The following RAC2 variants were observed in gnomAD, a reference collection of about 807,000 sequenced individuals.
RAC2 encodes the protein ras-related C3 botulinum toxin substrate 2.
In RAC2, 1 loss-of-function variant was observed where a neutral mutation model predicts 24.0. The observed-to-expected ratio is 0.04, with a 90% CI of 0.01 to 0.20. The LOEUF (loss-of-function observed/expected upper bound fraction) is 0.20. Among genes scored for constraint, RAC2 ranks in the 10% least tolerant of loss-of-function variants. The probability of loss-of-function intolerance (pLI) is 1.00; values close to 1 mark genes in which losing one functional copy is unlikely to be tolerated. For missense variants in RAC2, 130 were observed against 259.1 expected (o/e 0.50, Z 3.42); for synonymous variants, 114 against 106.8 (o/e 1.07, Z -0.41).
chr22:37,229,899 C>T (rs2145822464), intron 5 of RAC2, among the ~76,000 whole-genome samples: 1 of 152,306 alleles, frequency 6.6e-6, no homozygotes. Context: ...TCCAGGCCTC[C>T]AGCACCCTCC....
intron 3 of RAC2, 52 bp from the exon 4 acceptor site, chr22:37,232,046 A>C: frequency 6.6e-7 from 1 of 1,518,518 alleles, no homozygotes; most frequent in Non-Finnish European, 8.9e-7. Context: ...GAGGTGTCCC[A>C]CCATGGCAGC....
At position 37,229,389 on chromosome 22, in the gene RAC2, C is replaced by T. The variant is rs554532806; in HGVS notation, c.448+1842G>A. ...CAGTCCACCCCTGTCAGAATCCTGGCTGGGTGGCCTTAAGCCAGCAACATG... is the reference window on the plus strand; with the variant it reads ...CAGTCCACCCCTGTCAGAATCCTGGTTGGGTGGCCTTAAGCCAGCAACATG... On this transcript the variant is annotated intron_variant, in intron 5 of 6. Coordinates refer to ENST00000249071, the MANE Select transcript of RAC2 (RefSeq NM_002872.5). 3.9e-5 allele frequency among the ~76,000 whole-genome samples: 6 copies of T among 152,324 alleles called. No individual in the cohort carries two copies. The East Asian group carries it at 1.2e-3, about 29-fold the overall frequency.
chr22:37,236,024 G>A (rs2145827234), intron 2 of RAC2, among the ~76,000 whole-genome samples: 1 of 152,318 alleles, frequency 6.6e-6, no homozygotes, highest in Middle Eastern at 3.4e-3. Flanking sequence ...AGAGGTCAAG[G>A]ACCTTTCTTG....
In RAC2 at chr22:37,231,100, A is replaced by G; in HGVS notation, c.448+131T>C. ...CTACGTGACTCGCCCAAGGTCACACAGCAAGTGCACAGCACAGCTGAGTTC... is the reference window on the plus strand; with the variant it reads ...CTACGTGACTCGCCCAAGGTCACACGGCAAGTGCACAGCACAGCTGAGTTC... On this transcript the variant is annotated intron_variant, in intron 5 of 6. Coordinates refer to ENST00000249071, the MANE Select transcript of RAC2 (RefSeq NM_002872.5). The surrounding 1 kb of genome is among the most constrained non-coding windows in gnomAD (Gnocchi z 5.5). 2 of 1,135,556 alleles carry G rather than the reference A, an allele frequency of 1.8e-6. No homozygotes were observed. Among genetic ancestry groups the G allele is most frequent in the Non-Finnish European group, 2.6e-6 (2 of 767,398 alleles). 70.3% of individuals were successfully genotyped at this position (1,135,556 alleles called of 1,614,324 possible).
intron 5 of RAC2, among the ~76,000 whole-genome samples, chr22:37,227,535 A>T (rs1351163516): frequency 5.9e-5 from 1 of 17,030 alleles, no homozygotes; most frequent in African/African-American, 3.4e-4. Context: ...CACGCCATAC[A>T]CCCCCTCCCA....
chr22:37,237,300 G>A (rs1927259053), intron 2 of RAC2, among the ~76,000 whole-genome samples: 1 of 151,884 alleles, frequency 6.6e-6, no homozygotes, highest in South Asian at 2.1e-4. Flanking sequence ...GAACAGAGGG[G>A]GAAACTGGCA....
chr22:37,236,414 C>T (rs1352839865), intron 2 of RAC2, among the ~76,000 whole-genome samples: 1 of 152,182 alleles, frequency 6.6e-6, no homozygotes, highest in Admixed American at 6.5e-5. Flanking sequence ...AACCCTCACC[C>T]CATTTTCCGG....
Position 37,231,205 on chromosome 22 carries a change from C to A in RAC2, c.448+26G>T, listed in dbSNP as rs775778136. On this transcript the variant is annotated intron_variant, in intron 5 of 6. Coordinates refer to ENST00000249071, the MANE Select transcript of RAC2 (RefSeq NM_002872.5). The surrounding 1 kb of genome is among the most constrained non-coding windows in gnomAD (Gnocchi z 5.5). ...GTCAGGGCCTCCCCTGCAGCCAGAT[C>A]GCCCCTCTGAGCCCGAGGCCCATAC... 13 of 1,612,228 alleles carry A rather than the reference C, an allele frequency of 8.1e-6. No individual in the cohort carries two copies. The highest frequency in any genetic ancestry group is 1.1e-5 in the South Asian group (1 of 91,004).
chr22:37,240,848 T>C, intron 2 of RAC2: 1 of 599,916 alleles, frequency 1.7e-6, no homozygotes, highest in Non-Finnish European at 3.1e-6. Flanking sequence ...GAGAACAGCT[T>C]GAGCAAAGGC....
chr22:37,244,150 G>A lies in RAC2; in HGVS notation c.-2C>T. The A allele has an allele frequency of 5.6e-6, 9 of 1,614,162 alleles. No homozygotes were observed. Among genetic ancestry groups the A allele is most frequent in the Non-Finnish European group, 6.8e-6 (8 of 1,180,004 alleles). Reference sequence around the variant, plus strand: ...CACCACACACTTGATGGCCTGCATCGTGTCCGGAGCCTGGAGAGTGTCGGT... The same window carrying A: ...CACCACACACTTGATGGCCTGCATCATGTCCGGAGCCTGGAGAGTGTCGGT... On this transcript the variant is annotated 5_prime_UTR_variant, in exon 1 of 7. The change creates a new upstream start codon in the 5' untranslated region. Transcript: ENST00000249071.
rs1927059012 is a variant in RAC2 at position 37,231,446 on chromosome 22, C to T, written c.289-56G>A. On this transcript the variant is annotated intron_variant, in intron 4 of 6. Transcript: ENST00000249071. The surrounding 1 kb of genome is among the most constrained non-coding windows in gnomAD (Gnocchi z 5.5). ...GTATGGGTCAAGAGGGGGCGCGAGG[C>T]TGTGCGGGGATCAGAGGGAGTGTGA... is the stretch of plus-strand genomic sequence containing the variant. 2.6e-6 allele frequency: 4 copies of T among 1,551,338 alleles called. No individual in the cohort carries two copies. Among genetic ancestry groups the T allele is most frequent in the African/African-American group, 2.7e-5 (2 of 73,644 alleles).
chr22:37,230,259 G>A (rs1262587010), intron 5 of RAC2, among the ~76,000 whole-genome samples: 1 of 151,836 alleles, frequency 6.6e-6, no homozygotes, highest in East Asian at 1.9e-4. Flanking sequence ...AGTTCCGGCA[G>A]GGGGAGGTGG....
At chr22:37,237,140 GA>G in intron 2 of RAC2, among the ~76,000 whole-genome samples, 1 of 150,338 alleles carries the variant, frequency 6.7e-6, no homozygotes, top group African/African-American at 2.4e-5. Flanking sequence ...AGTGAGCCGA[GA>G]TCGCACCACT....
At chr22:37,226,855 C>T in intron 5 of RAC2, 52 bp from the exon 6 acceptor site, 2 of 1,520,358 alleles carry the variant, frequency 1.3e-6, no homozygotes, top group South Asian at 1.1e-5. Flanking sequence ...GGGGGGGGTT[C>T]TGGGCCAACA....
intron 3 of RAC2, chr22:37,232,595 T>C (rs1489002174): frequency 1.3e-5 from 8 of 596,492 alleles, no homozygotes; most frequent in East Asian, 8.7e-5. Context: ...GATGGGCACA[T>C]TGAGGACCGG....
chr22:37,234,239 A>G (rs56381241), intron 2 of RAC2, among the ~76,000 whole-genome samples: 2,837 of 152,338 alleles, frequency 0.019, 42 homozygotes, highest in Non-Finnish European at 0.031. Flanking sequence ...GGGAAGCCCA[A>G]CGAATGCTGG....
At chr22:37,238,965 C>T (rs1305412780) in intron 2 of RAC2, among the ~76,000 whole-genome samples, 2 of 152,168 alleles carry the variant, frequency 1.3e-5, no homozygotes, top group East Asian at 1.9e-4. Flanking sequence ...GCAGCAGGGG[C>T]CTCCCCAACC....
At chr22:37,232,291 G>T in intron 3 of RAC2, 1 of 514,042 alleles carries the variant, frequency 1.9e-6, no homozygotes, top group Non-Finnish European at 3.5e-6. Context: ...GCTTCCAGAG[G>T]TTAAAGAGTT....
chr22:37,228,527 G>A (rs1236578400), intron 5 of RAC2, among the ~76,000 whole-genome samples: 1 of 152,278 alleles, frequency 6.6e-6, no homozygotes, highest in African/African-American at 2.4e-5. Context: ...AGGGAGGGGA[G>A]GGGAACTCTG....
Sources: gnomAD v4.1 joint callset for allele counts (sites outside exome capture counted in the v4.1 genomes callset) on GRCh38, gnomAD v4.1.1 for gene constraint, Gnocchi (gnomAD v3.1) non-coding constraint, MANE v1.5 for transcripts, NCBI Gene and HGNC (gene_info 2026-07-23, HGNC 2026-07-21) for gene names.